ADGRL3: variants seen among roughly 807,000 people sequenced by gnomAD.
ADGRL3 encodes calcium-independent alpha-latrotoxin receptor 3.
Under a neutral mutation model 153.5 loss-of-function variants are expected in ADGRL3, and 62 were observed. The observed-to-expected ratio is 0.40, with a 90% confidence interval of 0.33 to 0.50. ADGRL3 has a LOEUF of 0.50. Among genes scored for constraint, ADGRL3 ranks in the 20% least tolerant of loss-of-function variants. The pLI is 0.47. For missense variants in ADGRL3, 1,641 were observed against 1,859.4 expected (o/e 0.88, Z 2.16); for synonymous variants, 710 against 672.5 (o/e 1.06, Z -0.86).
At position 61,456,971 on chromosome 4, in the gene ADGRL3, CTT is replaced by C. The variant is rs2097762739; in HGVS notation, c.-173-40147_-173-40146del. Among the ~76,000 whole-genome samples the C allele has an allele frequency of 2.0e-5, 3 of 151,802 alleles. No homozygotes were observed. The South Asian group carries it at 6.2e-4, about 32-fold the overall frequency. ...ATGTTTTCATGTAATTCTTTTTAGTCTTTTAAAAAATGTATACTTATGATAGT... is the reference window on the plus strand; with the variant it reads ...ATGTTTTCATGTAATTCTTTTTAGTCTTAAAAAATGTATACTTATGATAGT... On this transcript the variant is annotated intron_variant, in intron 2 of 26. Coordinates refer to ENST00000683033, the MANE Select transcript of ADGRL3 (RefSeq NM_001387552.1).
chr4:61,272,864 A>G (rs561272041), intron 1 of ADGRL3, among the ~76,000 whole-genome samples: 1 of 152,284 alleles, frequency 6.6e-6, no homozygotes, highest in East Asian at 1.9e-4. Context: ...TAGTATGTTG[A>G]AGATAAGTCA....
chr4:61,236,770 A>C (rs2149266759), intron 1 of ADGRL3, among the ~76,000 whole-genome samples: 1 of 152,230 alleles, frequency 6.6e-6, no homozygotes, highest in Non-Finnish European at 1.5e-5. Flanking sequence ...TGTCACATGA[A>C]GTTGTTATTC....
At chr4:61,518,559 C>A (rs1008043486) in intron 4 of ADGRL3, among the ~76,000 whole-genome samples, 1 of 152,168 alleles carries the variant, frequency 6.6e-6, no homozygotes, top group Admixed American at 6.5e-5. Flanking sequence ...ATTTGAGAGA[C>A]CCGTGAGAGT....
At chr4:61,460,878 G>A (rs1432584853) in intron 2 of ADGRL3, among the ~76,000 whole-genome samples, 1 of 152,056 alleles carries the variant, frequency 6.6e-6, no homozygotes, top group African/African-American at 2.4e-5. Context: ...AGACCAGCCT[G>A]GCCAACAATG....
chr4:61,588,293 T>A (rs2098955077), intron 5 of ADGRL3, among the ~76,000 whole-genome samples: 1 of 151,902 alleles, frequency 6.6e-6, no homozygotes, highest in South Asian at 2.1e-4. Flanking sequence ...TAGATAAAAC[T>A]AAACAAATTG....
intron 1 of ADGRL3, among the ~76,000 whole-genome samples, chr4:61,270,351 T>G (rs1392966534): frequency 6.6e-6 from 1 of 151,758 alleles, no homozygotes; most frequent in Non-Finnish European, 1.5e-5. Context: ...GCCTGAATAA[T>G]TAAATATTCC....
chr4:61,753,300 C>G (rs2096780211), intron 8 of ADGRL3, among the ~76,000 whole-genome samples: 1 of 151,470 alleles, frequency 6.6e-6, no homozygotes, highest in African/African-American at 2.4e-5. Context: ...TTTTTGATTC[C>G]AGAAGGCAGT....
chr4:61,369,015 A>G (rs2096465511), intron 1 of ADGRL3, among the ~76,000 whole-genome samples: 1 of 152,122 alleles, frequency 6.6e-6, no homozygotes, highest in Non-Finnish European at 1.5e-5. Context: ...TTCACTCATT[A>G]TTTGGCTCTC....
At chr4:61,696,142 T>G (rs1466106674) in intron 6 of ADGRL3, among the ~76,000 whole-genome samples, 5 of 152,224 alleles carry the variant, frequency 3.3e-5, no homozygotes, top group African/African-American at 1.2e-4. Context: ...TTTAATTTCC[T>G]TCAAAAACTT....
chr4:62,018,754 G>GT (rs1392824524), intron 21 of ADGRL3, among the ~76,000 whole-genome samples: 1 of 152,124 alleles, frequency 6.6e-6, no homozygotes, highest in African/African-American at 2.4e-5. Context: ...CTGGAACTGG[G>GT]GCTGAGGGAG....
intron 9 of ADGRL3, among the ~76,000 whole-genome samples, chr4:61,840,130 A>G (rs1253786740): frequency 6.6e-6 from 1 of 152,150 alleles, no homozygotes; most frequent in East Asian, 1.9e-4. Flanking sequence ...CCCAGGCTGG[A>G]ACACAGTGGT....
chr4:61,745,258 G>A (rs1484620983), intron 8 of ADGRL3, among the ~76,000 whole-genome samples: 1 of 152,168 alleles, frequency 6.6e-6, no homozygotes, highest in Non-Finnish European at 1.5e-5. Flanking sequence ...GTGATGGGGA[G>A]AATGGAACCA....
At chr4:61,357,973 T>G (rs2096209419) in intron 1 of ADGRL3, among the ~76,000 whole-genome samples, 1 of 152,150 alleles carries the variant, frequency 6.6e-6, no homozygotes, top group African/African-American at 2.4e-5. Context: ...AACAATTTAT[T>G]TAGCTTCCCT....
In ADGRL3 at chr4:61,583,787, A is replaced by G. The variant is rs144476698; in HGVS notation, c.260-3440A>G. 2.0e-3 allele frequency: 1,012 copies of G among 515,558 alleles called. 7 individuals carry two copies. Among genetic ancestry groups the G allele is most frequent in the African/African-American group, 0.018 (928 of 51,922 alleles). 31.9% of individuals were successfully genotyped at this position (515,558 alleles called of 1,614,324 possible). ...TTTATTCAGCAGATATCTATTACAC[A>G]CCTAATAGATGACACTGTGTTCTTT... On this transcript the variant is annotated intron_variant, in intron 4 of 26. Transcript: ENST00000683033.
Position 61,401,519 on chromosome 4 carries a change from T to G in ADGRL3, c.-174+18330T>G, listed in dbSNP as rs142785298. On this transcript the variant is annotated intron_variant, in intron 2 of 26. Coordinates refer to ENST00000683033, the MANE Select transcript of ADGRL3 (RefSeq NM_001387552.1). ...TAGAAATGCTTCTGCTGTAGGAACA[T>G]AAAAGCCTGCTCAAATATAGAGCTT... is the stretch of plus-strand genomic sequence containing the variant. Among the ~76,000 whole-genome samples, 274 of 152,108 alleles carry G rather than the reference T, an allele frequency of 1.8e-3. 2 individuals are homozygous for G. The highest frequency in any genetic ancestry group is 6.4e-3 in the African/African-American group (265 of 41,560).
At chr4:61,330,455 A>G (rs576272236) in intron 1 of ADGRL3, among the ~76,000 whole-genome samples, 1 of 152,234 alleles carries the variant, frequency 6.6e-6, no homozygotes, top group Admixed American at 6.5e-5. Flanking sequence ...CCTGGTTCTT[A>G]GGCCTTTGGG....
At chr4:61,746,923 G>A (rs1403611713) in intron 8 of ADGRL3, among the ~76,000 whole-genome samples, 2 of 152,066 alleles carry the variant, frequency 1.3e-5, no homozygotes, top group African/African-American at 4.8e-5. Flanking sequence ...CCAGGAGCTG[G>A]TTTTTTGAAA....
chr4:61,354,807 G>A (rs1386033259), intron 1 of ADGRL3, among the ~76,000 whole-genome samples: 1 of 152,058 alleles, frequency 6.6e-6, no homozygotes, highest in Non-Finnish European at 1.5e-5. Flanking sequence ...ACCTTGCCAA[G>A]TCTCTTTAAA....
intron 4 of ADGRL3, among the ~76,000 whole-genome samples, chr4:61,549,106 A>T (rs948501296): frequency 3.9e-5 from 6 of 151,920 alleles, no homozygotes; most frequent in African/African-American, 1.5e-4. Context: ...GCTATTGTGA[A>T]TGGGATTGCA....
Sources: gnomAD v4.1 joint callset for allele counts (sites outside exome capture counted in the v4.1 genomes callset) on GRCh38, gnomAD v4.1.1 for gene constraint, MANE v1.5 for transcripts, NCBI Gene and HGNC (gene_info 2026-07-23, HGNC 2026-07-21) for gene names.